Variants in PPP2R2D observed in about 807,000 individuals in gnomAD.
PPP2R2D encodes serine/threonine-protein phosphatase 2A 55 kDa regulatory subunit B delta isoform.
PPP2R2D carries 9 observed loss-of-function variants against 31.1 expected under a neutral mutation model. The ratio of observed to expected loss-of-function variants is 0.29; its 90% CI spans 0.17 to 0.51. The LOEUF is 0.51. Ranked by LOEUF, PPP2R2D falls within the 20% of genes least tolerant of loss-of-function variation. The probability of loss-of-function intolerance (pLI) is 0.98; values close to 1 mark genes in which losing one functional copy is unlikely to be tolerated. For synonymous variants in PPP2R2D, 179 were observed against 172.6 expected, an observed-to-expected ratio of 1.04 and a Z score of -0.29; for missense variants, 391 against 465.6, an observed-to-expected ratio of 0.84 and a Z score of 1.48.
chr10:131,915,148 C>T (rs955992279), intron 2 of PPP2R2D, among the ~76,000 whole-genome samples: 5 of 151,384 alleles, frequency 3.3e-5, no homozygotes, highest in Non-Finnish European at 7.4e-5. Flanking sequence ...AGTAGTATCC[C>T]TAAAAGAGTA....
chr10:131,956,625 T>A lies in PPP2R2D; in HGVS notation c.*662T>A, dbSNP rs2036805018. 1 of 927,112 alleles carries A rather than the reference T, an allele frequency of 1.1e-6. No individual in the cohort carries two copies. Among genetic ancestry groups the A allele is most frequent in the Non-Finnish European group, 1.3e-6 (1 of 776,886 alleles). The allele number at this position is 927,112 out of a possible 1,614,324, so 57.4% of individuals were successfully genotyped here. On this transcript the variant is annotated 3_prime_UTR_variant, in exon 9 of 9. Coordinates refer to ENST00000455566, the MANE Select transcript of PPP2R2D (RefSeq NM_018461.5). ...CAGGGTTCTTCTTTGGAACTAACTG[T>A]TTGAGAAATGTGTGTCCTTCTTTGG...
chr10:131,924,169 A>G (rs577516329), intron 2 of PPP2R2D, among the ~76,000 whole-genome samples: 5 of 152,102 alleles, frequency 3.3e-5, no homozygotes, highest in African/African-American at 1.2e-4. Context: ...TTTAATTTTG[A>G]TGGTGTCCAC....
In PPP2R2D at chr10:131,911,141, C is replaced by T. The variant is rs1006363213; in HGVS notation, c.100+9811C>T. Among the ~76,000 whole-genome samples the T allele has an allele frequency of 1.6e-4, 24 of 152,302 alleles. No homozygotes were observed. The East Asian group carries it at 2.9e-3, about 18-fold the overall frequency. ...ACAAGTAACACAACCTGAGGCTTGC[C>T]GTTGGCTCTCGAAGTGGGGGGCAGT... On this transcript the variant is annotated intron_variant, in intron 2 of 8. Transcript: ENST00000455566.
In PPP2R2D at chr10:131,919,147, A is replaced by G. The variant is rs1230971141; in HGVS notation, c.101-15311A>G. Among the ~76,000 whole-genome samples, 5 of 128,650 alleles carry G rather than the reference A, an allele frequency of 3.9e-5. 2 individuals carry two copies. Among genetic ancestry groups the G allele is most frequent in the Non-Finnish European group, 8.3e-5 (5 of 60,534 alleles). 84.4% of individuals were successfully genotyped at this position (128,650 alleles called of 152,430 possible). A position where few individuals can be genotyped will look rare whatever the true frequency, so the allele number is the denominator to read the frequency against. On this transcript the variant is annotated intron_variant, in intron 2 of 8. Coordinates refer to ENST00000455566, the MANE Select transcript of PPP2R2D (RefSeq NM_018461.5). The stretch of plus-strand genomic sequence containing the variant: ...AGGGACCTCAGGCGGGTGGAATGAC[A>G]CAGTGTAGGGATCTCACGTGGGTGG...
intron 2 of PPP2R2D, among the ~76,000 whole-genome samples, chr10:131,921,289 G>T (rs911026825): frequency 1.3e-5 from 2 of 152,218 alleles, no homozygotes; most frequent in South Asian, 4.1e-4. Context: ...GTGACCGGGG[G>T]AATGTCCCAG....
At chr10:131,953,156 G>A (rs1554899231) in intron 8 of PPP2R2D, among the ~76,000 whole-genome samples, 3 of 110,500 alleles carry the variant, frequency 2.7e-5, no homozygotes, top group African/African-American at 7.2e-5. Flanking sequence ...GGGGTTCACT[G>A]TCTTAGTGAC....
intron 2 of PPP2R2D, among the ~76,000 whole-genome samples, chr10:131,905,285 T>TACA (rs1239251271): frequency 6.6e-6 from 1 of 152,170 alleles, no homozygotes; most frequent in Non-Finnish European, 1.5e-5. Flanking sequence ...AGTTGTTTGT[T>TACA]AGCTTCTAAT....
intron 2 of PPP2R2D, among the ~76,000 whole-genome samples, chr10:131,932,505 A>G (rs1261013957): frequency 2.6e-5 from 4 of 152,080 alleles, no homozygotes; most frequent in South Asian, 2.1e-4. Flanking sequence ...TGTCTCTACT[A>G]AAAATACAAA....
the PPP2R2D span, chr10:131,971,078 G>A: frequency 3.9e-6 from 4 of 1,015,056 alleles, no homozygotes; most frequent in Admixed American, 2.0e-5. Context: ...CAAGAGCCCA[G>A]AGGCACATGT....
rs532422201 is a variant in PPP2R2D, at chr10:131,943,519, G to A, written c.478-449G>A. ...GTACCTGGAGCCAGTGGAGGTTTGTGGGGTTTGCACCGAGAAGCATAGTCC... is the reference window on the plus strand; with the variant it reads ...GTACCTGGAGCCAGTGGAGGTTTGTAGGGTTTGCACCGAGAAGCATAGTCC... On this transcript the variant is annotated intron_variant, in intron 5 of 8. Transcript: ENST00000455566. Among the ~76,000 whole-genome samples the A allele has an allele frequency of 4.6e-5, 7 of 152,266 alleles. No homozygotes were observed. The South Asian group carries it at 1.5e-3, about 32-fold the overall frequency.
intron 7 of PPP2R2D, among the ~76,000 whole-genome samples, chr10:131,946,976 G>A (rs782769496): frequency 1.8e-4 from 28 of 152,104 alleles, no homozygotes; most frequent in East Asian, 7.7e-4. Context: ...GGACCACAGC[G>A]TTGCCAGTCA....
chr10:131,924,769 T>TAAG (rs2036069302), intron 2 of PPP2R2D, among the ~76,000 whole-genome samples: 1 of 152,152 alleles, frequency 6.6e-6, no homozygotes, highest in Non-Finnish European at 1.5e-5. Flanking sequence ...TGGAGATACT[T>TAAG]TCTTAAGTTT....
chr10:131,916,683 A>G (rs1589927744), intron 2 of PPP2R2D, among the ~76,000 whole-genome samples: 1 of 149,058 alleles, frequency 6.7e-6, no homozygotes, highest in Non-Finnish European at 1.5e-5. Context: ...TAGGGACCTC[A>G]GGCAGGTGGA....
At chr10:131,952,027 G>T (rs377734202) in intron 8 of PPP2R2D, among the ~76,000 whole-genome samples, 11 of 151,640 alleles carry the variant, frequency 7.3e-5, no homozygotes, top group Admixed American at 5.9e-4. Context: ...ACTTGCGGGT[G>T]TGCAGGGGGT....
intron 2 of PPP2R2D, among the ~76,000 whole-genome samples, chr10:131,932,669 C>CAA (rs1180369012): frequency 1.1e-5 from 1 of 90,646 alleles, no homozygotes; most frequent in African/African-American, 4.4e-5. Context: ...AAAAAAAAAA[C>CAA]ACACAAAAAA....
At chr10:131,952,826 GT>G (rs2036699343) in intron 8 of PPP2R2D, among the ~76,000 whole-genome samples, 3 of 86,498 alleles carry the variant, frequency 3.5e-5, no homozygotes, top group Non-Finnish European at 6.9e-5. Context: ...GCGGGTGTGT[GT>G]GTGGGGTTCA....
At chr10:131,970,939 T>A in the PPP2R2D span, 1 of 1,614,236 alleles carries the variant, frequency 6.2e-7, no homozygotes, top group Non-Finnish European at 8.5e-7. This position sits in a 1 kb window ranked among gnomAD's most constrained non-coding sequence, Gnocchi z 4.1. Flanking sequence ...GCTTTCAACT[T>A]CTTTCCTTCT....
At chr10:131,909,021 C>T (rs1284730236) in intron 2 of PPP2R2D, among the ~76,000 whole-genome samples, 1 of 152,142 alleles carries the variant, frequency 6.6e-6, no homozygotes, top group African/African-American at 2.4e-5. Flanking sequence ...GACCAGAGCA[C>T]ACTGAGGCAA....
chr10:131,901,020 CCGGCGGCGGCGGCGGCGGCGG>C lies in PPP2R2D; in HGVS notation c.-123_-103del. 1 of 153,828 alleles carries C rather than the reference CCGGCGGCGGCGGCGGCGGCGG, an allele frequency of 6.5e-6. No individual in the cohort carries two copies. Among genetic ancestry groups the C allele is most frequent in the Non-Finnish European group, 1.4e-5 (1 of 72,022 alleles). The allele number at this position is 153,828 out of a possible 1,614,324, so 9.5% of individuals were successfully genotyped here. A position where few individuals can be genotyped will look rare whatever the true frequency, so the allele number is the denominator to read the frequency against. ...TTTGAAAAGGGAAAAAAATCCCTCC[CCGGCGGCGGCGGCGGCGGCGG>C]CGGCGCCGGCGGTGGTGGCGGCCCC... is the stretch of plus-strand genomic sequence containing the variant. On this transcript the variant is annotated 5_prime_UTR_variant, in exon 1 of 9. Coordinates refer to ENST00000455566, the MANE Select transcript of PPP2R2D (RefSeq NM_018461.5).
Sources: gnomAD v4.1 joint callset for allele counts (sites outside exome capture counted in the v4.1 genomes callset) on GRCh38, gnomAD v4.1.1 for gene constraint, Gnocchi (gnomAD v3.1) non-coding constraint, MANE v1.5 for transcripts, NCBI Gene and HGNC (gene_info 2026-07-23, HGNC 2026-07-21) for gene names.